SPON2: variants seen among roughly 807,000 people sequenced by gnomAD.
SPON2 encodes spondin-2.
Under a neutral mutation model 29.9 loss-of-function variants are expected in SPON2, and 32 were observed. That is an observed-to-expected ratio of 1.07 (90% CI 0.81 to 1.44). The LOEUF (loss-of-function observed/expected upper bound fraction) is 1.44, where lower values mean the gene tolerates loss of function less well. Ranked by LOEUF, SPON2 falls within the 40% of genes most tolerant of loss-of-function variation. The pLI is 0.00. For synonymous variants in SPON2, 248 were observed against 209.1 expected (o/e 1.19, Z -1.61); for missense variants, 541 against 455.5 (o/e 1.19, Z -1.71).
chr4:1,167,832 GCAACCTCGGACA>G (rs1727296761), intron 5 of SPON2, 176 bp from the exon 6 acceptor site: 4 of 592,746 alleles, frequency 6.7e-6, no homozygotes, highest in Non-Finnish European at 1.1e-5. Context: ...TGGCACCATA[GCAACCTCGGACA>G]CAACCTAGGG....
intron 1 of SPON2, among the ~76,000 whole-genome samples, chr4:1,187,821 G>C (rs1212141791): frequency 6.6e-6 from 1 of 151,938 alleles, no homozygotes. Context: ...TTTAAATCAG[G>C]TAGGAGAAAA....
intron 1 of SPON2, chr4:1,194,918 C>CGGCTCCAACCCCGCAGCCGGA: frequency 6.8e-6 from 1 of 147,896 alleles, no homozygotes; most frequent in Non-Finnish European, 1.5e-5. Flanking sequence ...CCGCAGCCGG[C>CGGCTCCAACCCCGCAGCCGGA]GGCTCCAACC....
chr4:1,179,247 C>A (rs1170996718), intron 2 of SPON2, among the ~76,000 whole-genome samples: 2 of 152,338 alleles, frequency 1.3e-5, no homozygotes, highest in East Asian at 1.9e-4. Flanking sequence ...GCAAACACAG[C>A]ACTCACTCTT....
At chr4:1,186,222 T>C (rs925937729) in intron 1 of SPON2, among the ~76,000 whole-genome samples, 29 of 132,678 alleles carry the variant, frequency 2.2e-4, no homozygotes, top group East Asian at 4.4e-4. Context: ...CCAGCTTGGG[T>C]GACAGAGCGA....
chr4:1,194,873 C>T (rs1472014422), intron 1 of SPON2: 1 of 149,486 alleles, frequency 6.7e-6, no homozygotes, highest in Non-Finnish European at 1.5e-5. Flanking sequence ...ACCCCACAGC[C>T]GGCGGCTCCA....
At chr4:1,180,632 A>T (rs973353412) in intron 1 of SPON2, among the ~76,000 whole-genome samples, 2 of 152,246 alleles carry the variant, frequency 1.3e-5, no homozygotes, top group Admixed American at 1.3e-4. Context: ...TTTTCTAAAT[A>T]ATTTAAAGTA....
In SPON2 at chr4:1,171,091, G is replaced by T. The variant is rs991672404; in HGVS notation, c.544C>A (p.Leu182Met). 1 of 1,550,472 alleles carries T rather than the reference G, an allele frequency of 6.4e-7. No individual in the cohort carries two copies. The highest frequency in any genetic ancestry group is 2.0e-5 in the Admixed American group (1 of 50,960). The change falls in exon 4 of 6, where the codon CTG (leucine) becomes ATG (methionine). Residue 182 changes from leucine (L) to methionine (M), a missense_variant. Physicochemically the swap from Leu to Met is conservative, Grantham distance 15. Coordinates refer to ENST00000290902, the MANE Select transcript of SPON2 (RefSeq NM_012445.4). ...CCGGCGTCGTAGGGGTACAGGTCCA[G>T]CGCCGCCTGTTCCCGCCAACGGTCC... is the stretch of plus-strand genomic sequence containing the variant. ...DGDRWREQAA[L>M]DLYPYDAGTD...
intron 1 of SPON2, among the ~76,000 whole-genome samples, chr4:1,191,350 C>T (rs1727910830): frequency 6.6e-6 from 1 of 152,196 alleles, no homozygotes; most frequent in African/African-American, 2.4e-5. Flanking sequence ...GCCAAAGTCA[C>T]TCACTTGAGG....
Position 1,167,416 on chromosome 4 carries a change from G to T in SPON2, c.*56C>A. 1 of 1,552,990 alleles carries T rather than the reference G, an allele frequency of 6.4e-7. No homozygotes were observed. ...GCCGCCTGCAGCATGAGCCTGCACA[G>T]GAGCCCCCGACACCCCATGGCTCCG... On this transcript the variant is annotated 3_prime_UTR_variant, in exon 6 of 6. Coordinates refer to ENST00000290902, the MANE Select transcript of SPON2 (RefSeq NM_012445.4).
chr4:1,191,152 T>G (rs937631511), intron 1 of SPON2, among the ~76,000 whole-genome samples: 5 of 151,978 alleles, frequency 3.3e-5, no homozygotes, highest in Non-Finnish European at 7.4e-5. Context: ...GGCCTCAGAT[T>G]GCCAAAACTA....
chr4:1,203,852 A>G (rs1728274800), intron 1 of SPON2, among the ~76,000 whole-genome samples: 1 of 152,018 alleles, frequency 6.6e-6, no homozygotes, highest in Non-Finnish European at 1.5e-5. Flanking sequence ...ATTATTTGGA[A>G]AAAACATCTA....
At chr4:1,177,953 A>T (rs1343849473), upstream of SPON2, among the ~76,000 whole-genome samples, 1 of 152,026 alleles carries the variant, frequency 6.6e-6, no homozygotes, top group African/African-American at 2.4e-5. Context: ...ACCCACCTGA[A>T]AAGTCCTGTG....
upstream of SPON2, among the ~76,000 whole-genome samples, chr4:1,195,826 G>C (rs561076397): frequency 6.6e-6 from 1 of 152,144 alleles, no homozygotes; most frequent in African/African-American, 2.4e-5. Flanking sequence ...TTTGTAGAGC[G>C]GTCTCGCTGT....
chr4:1,167,949 G>T, intron 5 of SPON2: 1 of 346,574 alleles, frequency 2.9e-6, no homozygotes, highest in Non-Finnish European at 5.2e-6. Flanking sequence ...AGGGGCCCCT[G>T]GGAACCCCGT....
chr4:1,186,131 C>G (rs547234949), intron 1 of SPON2, among the ~76,000 whole-genome samples: 10 of 150,874 alleles, frequency 6.6e-5, no homozygotes, highest in Admixed American at 6.6e-4. Flanking sequence ...GTAGTCCCAG[C>G]TACTCAGGAG....
upstream of SPON2, among the ~76,000 whole-genome samples, chr4:1,198,691 A>G (rs182013889): frequency 6.6e-6 from 1 of 152,196 alleles, no homozygotes; most frequent in East Asian, 1.9e-4. Context: ...TGTTATGGCC[A>G]AGCAGATGAA....
At chr4:1,189,883 C>A (rs183295560) in intron 1 of SPON2, among the ~76,000 whole-genome samples, 2 of 150,296 alleles carry the variant, frequency 1.3e-5, no homozygotes, top group African/African-American at 2.4e-5. Flanking sequence ...CAGCTACCCA[C>A]GAGGCTGAGG....
intron 1 of SPON2, chr4:1,205,201 G>T (rs531490890): frequency 6.6e-6 from 1 of 152,424 alleles, no homozygotes; most frequent in African/African-American, 2.4e-5. Context: ...ACAGGGCAGG[G>T]CCCTGGGGGC....
At chr4:1,170,211 C>A (rs1727378313) in intron 5 of SPON2, 191 bp downstream of exon 5, 1 of 643,714 alleles carries the variant, frequency 1.6e-6, no homozygotes, top group Non-Finnish European at 2.7e-6. Flanking sequence ...CTTTCAACTG[C>A]AAATAATGTG....
Sources: allele counts gnomAD v4.1 joint callset (sites outside exome capture counted in the v4.1 genomes callset), GRCh38; gene constraint gnomAD v4.1.1; transcripts MANE v1.5; gene names NCBI Gene and HGNC (gene_info 2026-07-23, HGNC 2026-07-21).